HEATR5B: variants seen among roughly 807,000 people sequenced by gnomAD.
HEATR5B encodes the protein HEAT repeat containing 5B, also known as HEAT repeat-containing protein 5B.
HEATR5B carries 156 observed loss-of-function variants against 224.1 expected under a neutral mutation model. The ratio of observed to expected loss-of-function variants is 0.70; its 90% confidence interval spans 0.61 to 0.80. HEATR5B has a LOEUF of 0.80. HEATR5B is among the 30% of genes least tolerant of loss of function. The probability of loss-of-function intolerance (pLI) is 0.00; values close to 1 mark genes in which losing one functional copy is unlikely to be tolerated. For synonymous variants in HEATR5B, 1,027 were observed against 893.0 expected, an observed-to-expected ratio of 1.15 and a Z score of -2.68; for missense variants, 2,323 against 2,535.5, an observed-to-expected ratio of 0.92 and a Z score of 1.80.
chr2:37,003,598 A>G lies in HEATR5B; in HGVS notation c.4994T>C (p.Val1665Ala). ...SSVQLLVTGV[V>A]QQIVRAAQDY... ...CTGAGCAGCTCTTACTATCTGTTGTACAACTCCAGTAACCAACAGCTGGAC... is the reference window on the plus strand; with the variant it reads ...CTGAGCAGCTCTTACTATCTGTTGTGCAACTCCAGTAACCAACAGCTGGAC... Residue 1665 changes from valine to alanine, a missense_variant, in exon 31 of 36, where the codon GTA becomes GCA. Val to Ala is a moderately conservative substitution (Grantham distance 64, BLOSUM62 0). This residue lies in a region of HEATR5B where 844 missense variants were observed against 812.9 expected (regional missense o/e 1.04). Transcript: ENST00000233099. 1 of 1,612,226 alleles carries G rather than the reference A, an allele frequency of 6.2e-7. No homozygotes were observed. The highest frequency in any genetic ancestry group is 2.2e-5 in the East Asian group (1 of 44,854).
At chr2:37,025,049 G>C (rs528854191) in intron 24 of HEATR5B, among the ~76,000 whole-genome samples, 1 of 152,214 alleles carries the variant, frequency 6.6e-6, no homozygotes, top group Non-Finnish European at 1.5e-5. Context: ...ATAGGAGATA[G>C]GAAGATGAAG....
At chr2:37,076,825 G>A in intron 4 of HEATR5B, 86 bp downstream of exon 4, 1 of 983,034 alleles carries the variant, frequency 1.0e-6, no homozygotes, top group Non-Finnish European at 1.6e-6. Context: ...AGACCACAGT[G>A]ACAGAAAAAG....
At chr2:36,985,091 T>C (rs1475222075) in intron 35 of HEATR5B, among the ~76,000 whole-genome samples, 2 of 152,142 alleles carry the variant, frequency 1.3e-5, no homozygotes, top group African/African-American at 2.4e-5. Context: ...AAAATTAACA[T>C]CTGTAAATGG....
In HEATR5B at chr2:37,005,688, C is replaced by T. The variant is rs1302582143; in HGVS notation, c.4849G>A (p.Ala1617Thr). The T allele has an allele frequency of 3.1e-6, 5 of 1,612,578 alleles. No homozygotes were observed. Among genetic ancestry groups the T allele is most frequent in the African/African-American group, 1.3e-5 (1 of 74,848 alleles). Residue 1617 changes from alanine to threonine, a missense_variant, in exon 30 of 36, where the codon GCC becomes ACC. This residue lies in a region of HEATR5B where 844 missense variants were observed against 812.9 expected (regional missense o/e 1.04). Transcript: ENST00000233099. ...GGGGAGTCTAGCAAGGTATGTAAGG[C>T]CTGCAGGCATGCTGTAACATGTTCA... ...PIEHVTACLQ[A>T]LHTLLDSPYA...
In HEATR5B at chr2:37,005,733, G is replaced by A; in HGVS notation, c.4804C>T (p.Pro1602Ser). 2 of 1,598,250 alleles carry A rather than the reference G, an allele frequency of 1.3e-6. No homozygotes were observed. The highest frequency in any genetic ancestry group is 1.1e-5 in the South Asian group (1 of 87,290). Reference protein sequence around the residue: ...LGVSIQFLCSPRPEEPIEHVT... With the variant: ...LGVSIQFLCSSRPEEPIEHVT... ...TGTTCAATGGGCTCCTCAGGTCTAG[G>A]GGAACAAAGAAACTGTATACTCACA... Residue 1602 changes from proline (P) to serine (S), a missense_variant, in exon 30 of 36, where the codon CCT becomes TCT. This residue lies in a region of HEATR5B where 844 missense variants were observed against 812.9 expected (regional missense o/e 1.04). Transcript: ENST00000233099.
At chr2:37,064,601 C>T in intron 10 of HEATR5B, 139 bp downstream of exon 10, 2 of 789,682 alleles carry the variant, frequency 2.5e-6, no homozygotes, top group South Asian at 3.4e-5. Context: ...CTGTTAACAC[C>T]ATAGTAAGAA....
chr2:37,033,429 C>G (rs955098402), intron 21 of HEATR5B, among the ~76,000 whole-genome samples: 5 of 152,106 alleles, frequency 3.3e-5, no homozygotes, highest in Admixed American at 1.3e-4. Context: ...TCAACTTTGT[C>G]ATCTAAATTT....
chr2:36,985,743 G>C (rs1347499560), intron 35 of HEATR5B, among the ~76,000 whole-genome samples: 1 of 151,340 alleles, frequency 6.6e-6, no homozygotes, highest in South Asian at 2.1e-4. Flanking sequence ...GGCATTACAG[G>C]CGTGAGCCAC....
Position 36,988,750 on chromosome 2 carries a change from T to G in HEATR5B, c.5807A>C (p.Lys1936Thr). ...GGCTGGTCTGTTTCTTTCAACAGCT[T>G]TTAGCTTTTCAACCACTATTGGAGC... ...SLAPIVVEKL[K>T]AVERNRPASN... The change falls in exon 35 of 36, where the codon AAA becomes ACA. Residue 1936 changes from lysine (K) to threonine (T), a missense_variant. By Grantham distance (78) the Lys-to-Thr change is moderately conservative. Transcript: ENST00000233099. 6.2e-7 allele frequency: 1 copy of G among 1,614,176 alleles called. No individual in the cohort carries two copies.
At chr2:37,083,490 C>T in intron 1 of HEATR5B, 54 bp from the exon 2 acceptor site, 1 of 1,326,892 alleles carries the variant, frequency 7.5e-7, no homozygotes, top group East Asian at 2.4e-5. Context: ...TGTTAAAAGT[C>T]AAGCTTAATG....
rs1007823 is a variant in HEATR5B at position 37,003,585 on chromosome 2, T to C, written c.5007A>G (p.Val1669=). 0.097 allele frequency: 156,080 copies of C among 1,610,646 alleles called. 13,191 individuals carry two copies. Among genetic ancestry groups the C allele is most frequent in the East Asian group, 0.54 (23,993 of 44,784 alleles). The change falls in exon 31 of 36, where the codon GTA becomes GTG. Residue 1669 remains valine, a synonymous_variant. Coordinates refer to ENST00000233099, the MANE Select transcript of HEATR5B (RefSeq NM_019024.3). ...LLVTGVVQQI[V]RAAQDYLQEK... is the part of the protein sequence containing the mutation. Reference sequence around the variant, plus strand: ...CTTGCAAATAATCCTGAGCAGCTCTTACTATCTGTTGTACAACTCCAGTAA... The same window carrying C: ...CTTGCAAATAATCCTGAGCAGCTCTCACTATCTGTTGTACAACTCCAGTAA...
chr2:37,035,981 T>TC (rs1443321660), intron 21 of HEATR5B, among the ~76,000 whole-genome samples: 1 of 152,134 alleles, frequency 6.6e-6, no homozygotes, highest in Non-Finnish European at 1.5e-5. Context: ...AACCCTCTTC[T>TC]CCAACTATGC....
In HEATR5B at chr2:37,037,944, C is replaced by A; in HGVS notation, c.3127G>T (p.Val1043Phe). 1.9e-6 allele frequency: 3 copies of A among 1,601,894 alleles called. No individual in the cohort carries two copies. Among genetic ancestry groups the A allele is most frequent in the Non-Finnish European group, 2.6e-6 (3 of 1,172,328 alleles). ...AITQDHSDSL[V>F]QAAAISCLQQ... ...AGGCAAGATATGGCAGCTGCCTGAACAAGAGAATCTGAATGGTCTTGTGTT... is the reference window on the plus strand; with the variant it reads ...AGGCAAGATATGGCAGCTGCCTGAAAAAGAGAATCTGAATGGTCTTGTGTT... The change falls in exon 21 of 36, where the codon GTT becomes TTT. Residue 1043 changes from valine (V) to phenylalanine (F), a missense_variant. By Grantham distance (50) the Val-to-Phe change is conservative. Around this residue, in one of 12 missense-constraint regions of HEATR5B, gnomAD observed 88 missense variants for 86.8 expected, o/e 1.01. Coordinates refer to ENST00000233099, the MANE Select transcript of HEATR5B (RefSeq NM_019024.3).
intron 10 of HEATR5B, 143 bp from the exon 11 acceptor site, chr2:37,062,193 GA>G: frequency 1.9e-6 from 1 of 534,030 alleles, no homozygotes; most frequent in Non-Finnish European, 3.4e-6. Flanking sequence ...TTGGGAGGCT[GA>G]GGCAGGCAGA....
At chr2:36,998,806 G>T (rs1267845921) in intron 33 of HEATR5B, among the ~76,000 whole-genome samples, 1 of 151,812 alleles carries the variant, frequency 6.6e-6, no homozygotes, top group Non-Finnish European at 1.5e-5. Flanking sequence ...AATATATATT[G>T]CTCATAGTTA....
intron 2 of HEATR5B, among the ~76,000 whole-genome samples, chr2:37,079,559 A>G (rs1672428982): frequency 6.6e-6 from 1 of 152,210 alleles, no homozygotes. Flanking sequence ...CCAAAAGGTT[A>G]GCTCCAATAA....
chr2:37,063,848 G>C (rs1351638725), intron 10 of HEATR5B, among the ~76,000 whole-genome samples: 10 of 152,176 alleles, frequency 6.6e-5, no homozygotes, highest in Admixed American at 6.5e-4. Context: ...GTCTTTCTCT[G>C]TCACCCAGGC....
chr2:37,079,060 C>T (rs575081590), intron 3 of HEATR5B, 60 bp downstream of exon 3: 3 of 1,073,604 alleles, frequency 2.8e-6, no homozygotes, highest in South Asian at 1.6e-5. Flanking sequence ...TAGTCTCCTA[C>T]TAAGTTTCCT....
intron 12 of HEATR5B, 125 bp downstream of exon 12, chr2:37,060,456 T>C: frequency 1.3e-6 from 1 of 773,778 alleles, no homozygotes; most frequent in East Asian, 3.1e-5. Context: ...TATTTAAATC[T>C]AAAAGCCTAT....
Sources: allele counts gnomAD v4.1 joint callset (sites outside exome capture counted in the v4.1 genomes callset), GRCh38; gene constraint gnomAD v4.1.1; regional missense constraint gnomAD v4.1.1; transcripts MANE v1.5; gene names NCBI Gene and HGNC (gene_info 2026-07-23, HGNC 2026-07-21).